NEDD4L: variants seen among roughly 807,000 people sequenced by gnomAD.
NEDD4L encodes NEDD4 like E3 ubiquitin protein ligase, also known as E3 ubiquitin-protein ligase NEDD4-like.
NEDD4L carries 54 observed loss-of-function variants against 148.9 expected under a neutral mutation model. The observed-to-expected ratio is 0.36, with a 90% CI of 0.29 to 0.45. The LOEUF (loss-of-function observed/expected upper bound fraction) is 0.45, where lower values mean the gene tolerates loss of function less well. Ranked by LOEUF, NEDD4L falls within the 20% of genes least tolerant of loss-of-function variation. The pLI is 1.00. For synonymous variants in NEDD4L, 433 were observed against 440.7 expected, an observed-to-expected ratio of 0.98 and a Z score of 0.22; for missense variants, 856 against 1,233.8, an observed-to-expected ratio of 0.69 and a Z score of 4.59.
intron 24 of NEDD4L, among the ~76,000 whole-genome samples, chr18:58,374,170 A>G (rs1489668264): frequency 6.6e-6 from 1 of 152,252 alleles, no homozygotes; most frequent in African/African-American, 2.4e-5. Flanking sequence ...AAAGAAGCTG[A>G]TGCCACTAGA....
At chr18:58,396,092 A>C in intron 30 of NEDD4L, 75 bp from the exon 31 acceptor site, 1 of 977,646 alleles carries the variant, frequency 1.0e-6, no homozygotes, top group Non-Finnish European at 1.6e-6. Context: ...CTCTTACTCA[A>C]ACCTCATGCC....
chr18:58,156,519 G>A (rs1469399250), intron 1 of NEDD4L, among the ~76,000 whole-genome samples: 9 of 152,102 alleles, frequency 5.9e-5, no homozygotes, highest in Admixed American at 4.6e-4. Context: ...TTGGCTCCTC[G>A]TGTGCAGGCC....
intron 5 of NEDD4L, among the ~76,000 whole-genome samples, chr18:58,281,292 T>G (rs1476418494): frequency 6.7e-6 from 1 of 149,610 alleles, no homozygotes; most frequent in Admixed American, 6.7e-5. Context: ...CCAGCCTATA[T>G]TTTCAAGTCT....
In NEDD4L at chr18:58,396,655, AT is replaced by A. The variant is rs1011968051; in HGVS notation, c.*390del. The A allele has an allele frequency of 1.3e-5, 2 of 152,968 alleles. No homozygotes were observed. The highest frequency in any genetic ancestry group is 4.9e-5 in the African/African-American group (2 of 41,132). The allele number at this position is 152,968 out of a possible 1,614,324, so 9.5% of individuals were successfully genotyped here. ...TTACTTTTTAAAATGATTTAGACCGATTTTCAGATTTTATTTCGTTATGATT... is the reference window on the plus strand; with the variant it reads ...TTACTTTTTAAAATGATTTAGACCGATTTCAGATTTTATTTCGTTATGATT... On this transcript the variant is annotated 3_prime_UTR_variant, in exon 31 of 31. Transcript: ENST00000400345.
At chr18:58,165,010 C>T (rs544156557) in intron 1 of NEDD4L, among the ~76,000 whole-genome samples, 40 of 152,296 alleles carry the variant, frequency 2.6e-4, no homozygotes, top group African/African-American at 8.4e-4. Context: ...TTCTGCCTAC[C>T]ACCTTCTCCT....
At chr18:58,390,867 A>G (rs999130554) in intron 29 of NEDD4L, 125 bp downstream of exon 29, 18 of 704,824 alleles carry the variant, frequency 2.6e-5, no homozygotes, top group African/African-American at 2.5e-4. Context: ...TGTGCCATGC[A>G]TAGGTTCCAT....
chr18:58,239,658 C>T (rs1165710083), intron 2 of NEDD4L, among the ~76,000 whole-genome samples: 3 of 152,192 alleles, frequency 2.0e-5, no homozygotes, highest in Non-Finnish European at 4.4e-5. Context: ...TTGGTCAGGA[C>T]GACTGTCCCT....
intron 1 of NEDD4L, among the ~76,000 whole-genome samples, chr18:58,148,959 C>T (rs962512970): frequency 6.6e-6 from 1 of 152,334 alleles, no homozygotes; most frequent in Non-Finnish European, 1.5e-5. Flanking sequence ...CTGAATGATA[C>T]ACTACTGGTG....
intron 1 of NEDD4L, among the ~76,000 whole-genome samples, chr18:58,098,828 T>C (rs1039703691): frequency 1.3e-5 from 2 of 152,158 alleles, no homozygotes; most frequent in African/African-American, 2.4e-5. Context: ...GTTTTGAAAA[T>C]GTATCAAATT....
intron 1 of NEDD4L, among the ~76,000 whole-genome samples, chr18:58,105,422 A>C (rs1430849830): frequency 1.3e-5 from 2 of 152,130 alleles, no homozygotes; most frequent in Non-Finnish European, 2.9e-5. Flanking sequence ...AGTGTGCCTT[A>C]GTCATTCTCG....
chr18:58,352,551 C>T (rs993353360), intron 18 of NEDD4L, among the ~76,000 whole-genome samples: 3 of 152,002 alleles, frequency 2.0e-5, no homozygotes, highest in Non-Finnish European at 2.9e-5. Flanking sequence ...CCCAGCTACC[C>T]GGATGGCTGA....
intron 2 of NEDD4L, among the ~76,000 whole-genome samples, chr18:58,182,371 A>G (rs556442192): frequency 1.3e-4 from 20 of 152,284 alleles, no homozygotes; most frequent in African/African-American, 4.1e-4. Flanking sequence ...TGAGGGAGGC[A>G]TTTAGGGAGA....
chr18:58,259,633 T>C (rs1174085695), intron 5 of NEDD4L, among the ~76,000 whole-genome samples: 1 of 152,224 alleles, frequency 6.6e-6, no homozygotes, highest in Non-Finnish European at 1.5e-5. Context: ...GTCTACTGTG[T>C]ATATAACATT....
At chr18:58,327,304 T>C (rs775509246) in intron 9 of NEDD4L, among the ~76,000 whole-genome samples, 3 of 152,178 alleles carry the variant, frequency 2.0e-5, no homozygotes, top group Non-Finnish European at 4.4e-5. Flanking sequence ...ACTGGCTTGG[T>C]CAAGCTGGTT....
intron 2 of NEDD4L, among the ~76,000 whole-genome samples, chr18:58,194,370 C>T (rs2040438213): frequency 6.6e-6 from 1 of 152,186 alleles, no homozygotes; most frequent in African/African-American, 2.4e-5. Context: ...CCTGGTCGTT[C>T]TTATCTTATC....
intron 2 of NEDD4L, chr18:58,195,825 T>A: frequency 1.3e-6 from 1 of 766,518 alleles, no homozygotes; most frequent in Non-Finnish European, 2.0e-6. Context: ...CCATTAGCTT[T>A]AACCCAAATG....
At chr18:58,206,833 G>A (rs948015828) in intron 2 of NEDD4L, among the ~76,000 whole-genome samples, 1 of 152,140 alleles carries the variant, frequency 6.6e-6, no homozygotes, top group African/African-American at 2.4e-5. Context: ...ATTACAGCAC[G>A]AACATACAGG....
At chr18:58,308,231 T>G (rs985261038) in intron 5 of NEDD4L, among the ~76,000 whole-genome samples, 7 of 152,256 alleles carry the variant, frequency 4.6e-5, no homozygotes, top group African/African-American at 1.7e-4. Context: ...GCATGTTATA[T>G]TCATTAAAAT....
chr18:58,272,415 C>T (rs946357519), intron 5 of NEDD4L, among the ~76,000 whole-genome samples: 70 of 152,240 alleles, frequency 4.6e-4, no homozygotes, highest in African/African-American at 1.6e-3. Flanking sequence ...GCAGATAGAT[C>T]GTTTAAGCTC....
Sources: allele counts gnomAD v4.1 joint callset (sites outside exome capture counted in the v4.1 genomes callset), GRCh38; gene constraint gnomAD v4.1.1; transcripts MANE v1.5; gene names NCBI Gene and HGNC (gene_info 2026-07-23, HGNC 2026-07-21).